Variants in LRIG3 observed in about 807,000 individuals in gnomAD.
LRIG3 encodes leucine rich repeats and immunoglobulin like domains 3.
In LRIG3, 76 loss-of-function variants were observed where a neutral mutation model predicts 114.5. The ratio of observed to expected loss-of-function variants is 0.66; its 90% CI spans 0.55 to 0.80. The LOEUF is 0.80. Ranked by LOEUF, LRIG3 falls within the 30% of genes least tolerant of loss-of-function variation. The probability of loss-of-function intolerance (pLI) is 0.00; values close to 1 mark genes in which losing one functional copy is unlikely to be tolerated. For missense variants in LRIG3, 1,239 were observed against 1,382.8 expected, an observed-to-expected ratio of 0.90 and a Z score of 1.65; for synonymous variants, 512 against 519.8, an observed-to-expected ratio of 0.98 and a Z score of 0.20.
intron 15 of LRIG3, among the ~76,000 whole-genome samples, chr12:58,876,890 G>T (rs565813717): frequency 6.6e-6 from 1 of 152,316 alleles, no homozygotes; most frequent in African/African-American, 2.4e-5. Context: ...GAAGGCCTAA[G>T]AATTTTCATG....
chr12:58,896,587 T>C (rs970014764), intron 3 of LRIG3, among the ~76,000 whole-genome samples: 4 of 152,262 alleles, frequency 2.6e-5, no homozygotes, highest in African/African-American at 4.8e-5. Flanking sequence ...TGTAAGGACA[T>C]GCAATCTAGG....
At chr12:58,910,594 C>T (rs955435859) in intron 3 of LRIG3, among the ~76,000 whole-genome samples, 3 of 151,932 alleles carry the variant, frequency 2.0e-5, no homozygotes, top group Admixed American at 6.6e-5. Context: ...GGTGACACTG[C>T]GAGACTCCGT....
At chr12:58,874,408 C>G (rs776111600) in intron 17 of LRIG3, 22 bp downstream of exon 17, 2 of 1,613,688 alleles carry the variant, frequency 1.2e-6, no homozygotes, top group Non-Finnish European at 1.7e-6. Flanking sequence ...CAGAACTGTA[C>G]TCAAGCAAGA....
chr12:58,907,725 T>C (rs906241252), intron 3 of LRIG3, among the ~76,000 whole-genome samples: 1 of 152,210 alleles, frequency 6.6e-6, no homozygotes, highest in Admixed American at 6.5e-5. Context: ...AGGTTAGTAG[T>C]GTGAGACGAG....
chr12:58,905,389 A>C (rs1872023902), intron 3 of LRIG3, among the ~76,000 whole-genome samples: 1 of 152,226 alleles, frequency 6.6e-6, no homozygotes, highest in Non-Finnish European at 1.5e-5. Context: ...AGTCATCTAT[A>C]AACATTTAAA....
chr12:58,876,566 C>T lies in LRIG3; in HGVS notation c.2574G>A (p.Leu858=). The part of the protein sequence containing the change: ...TNLPADIPSY[L]SSQGTLADRQ... ...TGTCAGCTAACGTTCCCTGAGATGACAAATAACTAGGAATATCTGCTGGCA... is the reference window on the plus strand; with the variant it reads ...TGTCAGCTAACGTTCCCTGAGATGATAAATAACTAGGAATATCTGCTGGCA... Residue 858 remains leucine (L), a synonymous_variant, in exon 16 of 19, where the codon TTG becomes TTA. Transcript: ENST00000320743. 1 of 1,614,158 alleles carries T rather than the reference C, an allele frequency of 6.2e-7. No individual in the cohort carries two copies. Among genetic ancestry groups the T allele is most frequent in the South Asian group, 1.1e-5 (1 of 91,086 alleles).
rs560365288 is a variant in LRIG3 at position 58,913,809 on chromosome 12, T to A, written c.383+173A>T. 6.0e-5 allele frequency: 34 copies of A among 571,314 alleles called. No homozygotes were observed. In the South Asian group the frequency reaches 8.1e-4, roughly 14 times the overall value. 35.4% of individuals were successfully genotyped at this position (571,314 alleles called of 1,614,324 possible). The stretch of plus-strand genomic sequence containing the variant: ...TATAAGAATACATGAAATTTAGCAG[T>A]GAGAGAGTTAGAGGCTAGAAAACAA... On this transcript the variant is annotated intron_variant, in intron 3 of 18. Coordinates refer to ENST00000320743, the MANE Select transcript of LRIG3 (RefSeq NM_153377.5).
rs771347438 is a variant in LRIG3, at chr12:58,874,293, G to C, written c.2877C>G (p.His959Gln). Residue 959 changes from histidine (H) to glutamine (Q), a missense_variant, in exon 18 of 19, where the codon CAC (histidine) becomes CAG (glutamine). Physicochemically the swap from His to Gln is conservative, Grantham distance 24 (BLOSUM62 0). Coordinates refer to ENST00000320743, the MANE Select transcript of LRIG3 (RefSeq NM_153377.5). ...SPDPRTVLMD[H>Q]YEPSYIKKKE... The stretch of plus-strand genomic sequence containing the variant: ...TTTTCTTTATGTAACTGGGCTCATA[G>C]TGGTCCATTAAAACTGTTCTTGGGT... The C allele has an allele frequency of 6.2e-7, 1 of 1,613,484 alleles. No individual in the cohort carries two copies. The highest frequency in any genetic ancestry group is 1.1e-5 in the South Asian group (1 of 90,922).
At position 58,882,851 on chromosome 12, in the gene LRIG3, G is replaced by A; in HGVS notation, c.1480+18C>T. Reference sequence around the variant, plus strand: ...AAAAGAAGAATAAATAAAAGGCAAGGGCAATACTTATACTCACCACACACA... The same window carrying A: ...AAAAGAAGAATAAATAAAAGGCAAGAGCAATACTTATACTCACCACACACA... On this transcript the variant is annotated intron_variant, in intron 12 of 18. Coordinates refer to ENST00000320743, the MANE Select transcript of LRIG3 (RefSeq NM_153377.5). 1.3e-6 allele frequency: 2 copies of A among 1,594,208 alleles called. No homozygotes were observed. Among genetic ancestry groups the A allele is most frequent in the East Asian group, 2.2e-5 (1 of 44,528 alleles).
intron 3 of LRIG3, among the ~76,000 whole-genome samples, chr12:58,906,635 A>G (rs1194275325): frequency 6.6e-6 from 1 of 152,158 alleles, no homozygotes; most frequent in East Asian, 1.9e-4. Flanking sequence ...CACTATGGCC[A>G]ACTCTACCCT....
At chr12:58,893,256 C>A (rs1871516834) in intron 3 of LRIG3, among the ~76,000 whole-genome samples, 3 of 152,224 alleles carry the variant, frequency 2.0e-5, no homozygotes, top group Admixed American at 1.3e-4. Context: ...AGTGTTAAAA[C>A]TCTTCTGAAC....
intron 1 of LRIG3, among the ~76,000 whole-genome samples, chr12:58,917,641 G>A (rs1031349572): frequency 6.6e-6 from 1 of 152,122 alleles, no homozygotes; most frequent in Non-Finnish European, 1.5e-5. Context: ...ACCAAATAAA[G>A]TGGAAAAAAT....
At position 58,888,483 on chromosome 12, in the gene LRIG3, A is replaced by C; in HGVS notation, c.804-11T>G. ...TTATGGTCCAGCTGCCTACATTTAC[A>C]GTAAGAATCAAAAGCAGGATCAAAA... On this transcript the variant is annotated splice_polypyrimidine_tract_variant and intron_variant, in intron 6 of 18. Coordinates refer to ENST00000320743, the MANE Select transcript of LRIG3 (RefSeq NM_153377.5). 6.2e-7 allele frequency: 1 copy of C among 1,611,308 alleles called. No individual in the cohort carries two copies. The highest frequency in any genetic ancestry group is 8.5e-7 in the Non-Finnish European group (1 of 1,177,692).
intron 3 of LRIG3, among the ~76,000 whole-genome samples, chr12:58,893,858 G>A (rs1871538756): frequency 6.6e-6 from 1 of 152,026 alleles, no homozygotes; most frequent in Non-Finnish European, 1.5e-5. Context: ...TTTGCATCTG[G>A]TTTTGGTCCC....
intron 3 of LRIG3, among the ~76,000 whole-genome samples, chr12:58,902,480 AG>A (rs1040901947): frequency 6.6e-4 from 101 of 152,276 alleles, no homozygotes; most frequent in African/African-American, 2.1e-3. Context: ...TGCTCAATAA[AG>A]CTATATGAGA....
Position 58,877,789 on chromosome 12 carries a change from A to T in LRIG3, c.2147T>A (p.Leu716Gln). ...RTVTKGETAV[L>Q]QCIAGGSPPP... is the part of the protein sequence containing the mutation. ...AGGGCTTCCTCCAGCAATGCACTGT[A>T]GGACGGCTGTTTCTCCCTTGGTTAC... The change falls in exon 15 of 19, where the codon CTA becomes CAA. Residue 716 changes from leucine to glutamine, a missense_variant. Coordinates refer to ENST00000320743, the MANE Select transcript of LRIG3 (RefSeq NM_153377.5). The T allele has an allele frequency of 6.2e-7, 1 of 1,614,158 alleles. No individual in the cohort carries two copies. Among genetic ancestry groups the T allele is most frequent in the Non-Finnish European group, 8.5e-7 (1 of 1,179,992 alleles).
chr12:58,920,365 C>G lies in LRIG3; in HGVS notation c.-130G>C, dbSNP rs1057477833. 7 of 588,422 alleles carry G rather than the reference C, an allele frequency of 1.2e-5. No individual in the cohort carries two copies. The highest frequency in any genetic ancestry group is 4.8e-5 in the South Asian group (1 of 20,660). The allele number at this position is 588,422 out of a possible 1,614,324, so 36.5% of individuals were successfully genotyped here. A position where few individuals can be genotyped will look rare whatever the true frequency, so the allele number is the denominator to read the frequency against. ...GTGCGCGCTCCTCCCTCGCGCTGCC[C>G]GGTCAATTCCTTCTTTTACTCCCGG... On this transcript the variant is annotated 5_prime_UTR_variant, in exon 1 of 19. Transcript: ENST00000320743.
At chr12:58,883,201 A>G (rs1028144468) in intron 11 of LRIG3, among the ~76,000 whole-genome samples, 169 bp from the exon 12 acceptor site, 1 of 152,236 alleles carries the variant, frequency 6.6e-6, no homozygotes, top group Non-Finnish European at 1.5e-5. Context: ...TGTATCTAGC[A>G]TGATTTTCTG....
At chr12:58,874,663 G>T in intron 16 of LRIG3, 90 bp from the exon 17 acceptor site, 8 of 1,526,866 alleles carry the variant, frequency 5.2e-6, no homozygotes, top group Non-Finnish European at 7.1e-6. Context: ...ATTTATAGAT[G>T]AAAGTTTGAC....
Sources: gnomAD v4.1 joint callset for allele counts (sites outside exome capture counted in the v4.1 genomes callset) on GRCh38, gnomAD v4.1.1 for gene constraint, MANE v1.5 for transcripts, NCBI Gene and HGNC (gene_info 2026-07-23, HGNC 2026-07-21) for gene names.